NXPE2: variants seen among roughly 807,000 people sequenced by gnomAD.
The protein encoded by NXPE2 is NXPE family member 2.
A neutral mutation model predicts 34.4 loss-of-function variants in NXPE2; 34 were observed. That is an observed-to-expected ratio of 0.99 (90% CI 0.75 to 1.31). The LOEUF is 1.31. Among genes scored for constraint, NXPE2 ranks in the 40% most tolerant of loss-of-function variants. The pLI, the probability that NXPE2 is intolerant of heterozygous loss-of-function variation, is 0.00. For missense variants in NXPE2, 649 were observed against 672.5 expected (o/e 0.97, Z 0.39); for synonymous variants, 235 against 231.3 (o/e 1.02, Z -0.15).
the NXPE2 span, chr11:114,530,039 C>G: frequency 9.0e-6 from 8 of 886,740 alleles, no homozygotes; most frequent in East Asian, 2.0e-4. Flanking sequence ...GAGTAGAGGC[C>G]CCAAGAAGAC....
the NXPE2 span, among the ~76,000 whole-genome samples, chr11:114,502,369 C>G: frequency 1.3e-5 from 2 of 152,098 alleles, no homozygotes; most frequent in Non-Finnish European, 2.9e-5. Flanking sequence ...ATGTCTCTAG[C>G]CTTATTTTTA....
At chr11:114,624,322 G>C in the NXPE2 span, among the ~76,000 whole-genome samples, 40 of 152,138 alleles carry the variant, frequency 2.6e-4, no homozygotes, top group African/African-American at 9.6e-4. Context: ...TTGCCTCATT[G>C]GTAACCACAG....
chr11:114,719,194 C>T, the NXPE2 span, among the ~76,000 whole-genome samples: 1 of 152,058 alleles, frequency 6.6e-6, no homozygotes, highest in East Asian at 1.9e-4. Context: ...ATCTTTACTG[C>T]CAACATGTGA....
At chr11:114,587,560 A>G in the NXPE2 span, among the ~76,000 whole-genome samples, 9 of 152,202 alleles carry the variant, frequency 5.9e-5, no homozygotes, top group Admixed American at 1.3e-4. Flanking sequence ...GGTGAGCATG[A>G]CTAATCCCAA....
the NXPE2 span, chr11:114,529,923 CTT>C: frequency 2.3e-6 from 1 of 439,826 alleles, no homozygotes; most frequent in East Asian, 3.6e-5. Context: ...ATCAAGGAAT[CTT>C]TTTTTCAGTG....
the NXPE2 span, among the ~76,000 whole-genome samples, chr11:114,504,154 C>A: frequency 6.6e-6 from 1 of 152,224 alleles, no homozygotes; most frequent in Admixed American, 6.5e-5. Context: ...GGTTTTGCTT[C>A]ATTTGCCCTG....
chr11:114,686,234 G>C (rs1001451804), intron 2 of NXPE2, among the ~76,000 whole-genome samples: 1 of 152,078 alleles, frequency 6.6e-6, no homozygotes, highest in Non-Finnish European at 1.5e-5. Context: ...AGTGAACATA[G>C]TACCCAATAG....
the NXPE2 span, among the ~76,000 whole-genome samples, chr11:114,586,774 T>A: frequency 6.6e-6 from 1 of 152,208 alleles, no homozygotes. Flanking sequence ...ATTGCAAATT[T>A]TCTCCTTTCC....
chr11:114,747,457 G>A, the NXPE2 span, among the ~76,000 whole-genome samples: 2 of 151,962 alleles, frequency 1.3e-5, no homozygotes, highest in South Asian at 2.1e-4. Flanking sequence ...TATTAGTCCA[G>A]TTTTATATTG....
the NXPE2 span, among the ~76,000 whole-genome samples, chr11:114,515,764 T>TTTAA: frequency 1.4e-4 from 14 of 98,516 alleles, 3 homozygotes; most frequent in African/African-American, 7.7e-4. Flanking sequence ...AAGGGCAGTC[T>TTTAA]TTCTGAAGTA....
the NXPE2 span, among the ~76,000 whole-genome samples, chr11:114,774,420 T>A: frequency 6.6e-6 from 1 of 152,228 alleles, no homozygotes; most frequent in Non-Finnish European, 1.5e-5. Flanking sequence ...AAAAGGCCGT[T>A]GTGAAGCAAG....
chr11:114,586,393 T>A, the NXPE2 span, among the ~76,000 whole-genome samples: 1 of 152,126 alleles, frequency 6.6e-6, no homozygotes, highest in Non-Finnish European at 1.5e-5. Flanking sequence ...AGTATAGAAG[T>A]GGACCCCAAC....
At chr11:114,471,450 A>G in the NXPE2 span, among the ~76,000 whole-genome samples, 5 of 152,216 alleles carry the variant, frequency 3.3e-5, no homozygotes, top group Admixed American at 3.3e-4. Flanking sequence ...AGAATTAATA[A>G]TATACCCTCA....
chr11:114,802,322 A>G, the NXPE2 span, among the ~76,000 whole-genome samples: 1 of 152,202 alleles, frequency 6.6e-6, no homozygotes, highest in East Asian at 1.9e-4. Flanking sequence ...TGTAGTCTTC[A>G]TTACAGAATT....
the NXPE2 span, among the ~76,000 whole-genome samples, chr11:114,811,611 G>A: frequency 6.6e-6 from 1 of 152,214 alleles, no homozygotes; most frequent in Non-Finnish European, 1.5e-5. Flanking sequence ...CCCCTGGGTT[G>A]GGATTCAGGT....
chr11:114,731,414 C>G, the NXPE2 span, among the ~76,000 whole-genome samples: 1 of 152,128 alleles, frequency 6.6e-6, no homozygotes, highest in Non-Finnish European at 1.5e-5. Context: ...TATACAAACA[C>G]CTGTACATGA....
At chr11:114,566,818 A>G in the NXPE2 span, among the ~76,000 whole-genome samples, 1,294 of 152,174 alleles carry the variant, frequency 8.5e-3, 17 homozygotes, top group African/African-American at 0.03. Context: ...TTAAGATGCA[A>G]ACTATTAGAG....
At chr11:114,613,963 G>A in the NXPE2 span, among the ~76,000 whole-genome samples, 3 of 151,762 alleles carry the variant, frequency 2.0e-5, no homozygotes, top group African/African-American at 7.3e-5. Context: ...CTGTTTACCG[G>A]TGGATAATAA....
At chr11:114,803,967 A>T in the NXPE2 span, among the ~76,000 whole-genome samples, 2 of 152,238 alleles carry the variant, frequency 1.3e-5, no homozygotes, top group East Asian at 3.9e-4. Flanking sequence ...CTCCATTTAA[A>T]ACTGTAACAT....
Sources: allele counts gnomAD v4.1 joint callset (sites outside exome capture counted in the v4.1 genomes callset), GRCh38; gene constraint gnomAD v4.1.1; transcripts MANE v1.5; gene names NCBI Gene and HGNC (gene_info 2026-07-23, HGNC 2026-07-21).